Variants in KCNAB1 observed in about 807,000 individuals in gnomAD.
KCNAB1 encodes voltage-gated potassium channel subunit beta-1.
KCNAB1 carries 35 observed loss-of-function variants against 64.6 expected under a neutral mutation model. That is an observed-to-expected ratio of 0.54 (90% confidence interval 0.41 to 0.72). KCNAB1 has a LOEUF of 0.72. Ranked by LOEUF, KCNAB1 falls within the 30% of genes least tolerant of loss-of-function variation. The pLI, the probability that KCNAB1 is intolerant of heterozygous loss-of-function variation, is 0.00. For missense variants in KCNAB1, 401 were observed against 512.9 expected, an observed-to-expected ratio of 0.78 and a Z score of 2.11; for synonymous variants, 177 against 183.8, an observed-to-expected ratio of 0.96 and a Z score of 0.30.
chr3:156,344,564 T>C (rs1362181245), intron 1 of KCNAB1, among the ~76,000 whole-genome samples: 1 of 152,158 alleles, frequency 6.6e-6, no homozygotes, highest in Non-Finnish European at 1.5e-5. Context: ...AATCTCAAAC[T>C]CATATGTCTA....
intron 1 of KCNAB1, among the ~76,000 whole-genome samples, chr3:156,145,584 TGG>T (rs1371019533): frequency 6.6e-6 from 1 of 152,108 alleles, no homozygotes; most frequent in Non-Finnish European, 1.5e-5. Context: ...AAAAAGAGGG[TGG>T]GCAGGGGACC....
chr3:156,229,232 G>T (rs2017971), intron 1 of KCNAB1, among the ~76,000 whole-genome samples: 73,164 of 152,062 alleles, frequency 0.48, 18,734 homozygotes, highest in East Asian at 0.8. Flanking sequence ...TCTGCAGGCT[G>T]TACAGGAAGC....
chr3:156,167,994 G>A (rs916597203), intron 1 of KCNAB1, among the ~76,000 whole-genome samples: 3 of 152,156 alleles, frequency 2.0e-5, no homozygotes, highest in African/African-American at 7.2e-5. Flanking sequence ...CTTAAGCTCA[G>A]GAGTTAGAGA....
intron 1 of KCNAB1, among the ~76,000 whole-genome samples, chr3:156,125,842 G>A (rs1713623241): frequency 6.6e-6 from 1 of 152,174 alleles, no homozygotes; most frequent in African/African-American, 2.4e-5. Context: ...GAGCTTAGAA[G>A]CCTTTGGTTG....
intron 1 of KCNAB1, among the ~76,000 whole-genome samples, chr3:156,149,332 G>A (rs1340958049): frequency 6.6e-6 from 1 of 152,126 alleles, no homozygotes; most frequent in East Asian, 1.9e-4. Flanking sequence ...AGAAAAGCTC[G>A]AGTATCCGAG....
intron 1 of KCNAB1, among the ~76,000 whole-genome samples, chr3:156,335,234 T>C (rs1052975669): frequency 4.6e-5 from 7 of 152,238 alleles, no homozygotes; most frequent in African/African-American, 1.7e-4. Context: ...CCTTATTTTT[T>C]AGTCTAGAAA....
chr3:156,261,827 A>G (rs1403943228), intron 1 of KCNAB1, among the ~76,000 whole-genome samples: 3 of 151,976 alleles, frequency 2.0e-5, no homozygotes, highest in Admixed American at 6.5e-5. Context: ...TTTGGGGAGA[A>G]TTTGCCATCT....
chr3:156,501,843 T>C (rs1400855942), intron 8 of KCNAB1, among the ~76,000 whole-genome samples: 3 of 152,154 alleles, frequency 2.0e-5, no homozygotes, highest in African/African-American at 7.2e-5. Flanking sequence ...TCCACATGGC[T>C]GGGGAGGTCT....
intron 1 of KCNAB1, 43 bp from the exon 2 acceptor site, chr3:156,421,573 C>T: frequency 1.3e-6 from 2 of 1,599,502 alleles, no homozygotes; most frequent in South Asian, 1.1e-5. Flanking sequence ...TACAGTTCCA[C>T]CTGAGGAAAT....
At chr3:156,239,933 A>G (rs1717068110) in intron 1 of KCNAB1, among the ~76,000 whole-genome samples, 1 of 152,168 alleles carries the variant, frequency 6.6e-6, no homozygotes, top group African/African-American at 2.4e-5. Context: ...AAAGAGCTTC[A>G]CAAGCTAGAG....
intron 1 of KCNAB1, among the ~76,000 whole-genome samples, chr3:156,140,503 C>T (rs899003449): frequency 9.2e-5 from 14 of 152,092 alleles, no homozygotes; most frequent in African/African-American, 3.4e-4. Flanking sequence ...CCTTTGGCCT[C>T]TTCTTATAAG....
At chr3:156,342,430 A>G (rs1383778748) in intron 1 of KCNAB1, among the ~76,000 whole-genome samples, 5 of 152,190 alleles carry the variant, frequency 3.3e-5, no homozygotes, top group Admixed American at 6.5e-5. Context: ...ATGACACACC[A>G]TATAGTTCCC....
chr3:156,181,298 G>A (rs1173523052), intron 1 of KCNAB1, among the ~76,000 whole-genome samples: 1 of 152,172 alleles, frequency 6.6e-6, no homozygotes, highest in Non-Finnish European at 1.5e-5. Context: ...AACAACACGA[G>A]ACAGAGGTTA....
At chr3:156,523,366 T>C (rs2108408136) in intron 11 of KCNAB1, among the ~76,000 whole-genome samples, 1 of 152,298 alleles carries the variant, frequency 6.6e-6, no homozygotes, top group Admixed American at 6.5e-5. Context: ...AGAAAAATAG[T>C]TAAACAAAAA....
intron 1 of KCNAB1, among the ~76,000 whole-genome samples, chr3:156,393,148 C>T (rs1358388950): frequency 6.6e-6 from 1 of 152,140 alleles, no homozygotes; most frequent in Non-Finnish European, 1.5e-5. Context: ...TGGAGGATCA[C>T]CCCCTCTAAG....
intron 8 of KCNAB1, among the ~76,000 whole-genome samples, chr3:156,484,040 A>G (rs958198539): frequency 2.0e-5 from 3 of 152,170 alleles, no homozygotes; most frequent in African/African-American, 4.8e-5. Flanking sequence ...TTTGGAAATC[A>G]GTGATTCCCA....
At chr3:156,479,465 C>A (rs1378621508) in intron 8 of KCNAB1, among the ~76,000 whole-genome samples, 1 of 152,014 alleles carries the variant, frequency 6.6e-6, no homozygotes, top group Non-Finnish European at 1.5e-5. Context: ...AAACACCAGG[C>A]TAATATCTCT....
intron 1 of KCNAB1, among the ~76,000 whole-genome samples, chr3:156,348,702 G>A (rs962056798): frequency 6.6e-6 from 1 of 152,182 alleles, no homozygotes; most frequent in African/African-American, 2.4e-5. Flanking sequence ...GGAATTGTCA[G>A]CCTAAATTCA....
At chr3:156,364,291 G>A (rs1442198931) in intron 1 of KCNAB1, among the ~76,000 whole-genome samples, 1 of 152,188 alleles carries the variant, frequency 6.6e-6, no homozygotes, top group African/African-American at 2.4e-5. Flanking sequence ...GAACACTAGG[G>A]TAAAGTGATT....
Sources: gnomAD v4.1 joint callset for allele counts (sites outside exome capture counted in the v4.1 genomes callset) on GRCh38, gnomAD v4.1.1 for gene constraint, MANE v1.5 for transcripts, NCBI Gene and HGNC (gene_info 2026-07-23, HGNC 2026-07-21) for gene names.